The following FMN1 variants were observed in gnomAD, a reference collection of about 807,000 sequenced individuals.
The protein encoded by FMN1 is formin 1, also known as formin-1.
A neutral mutation model predicts 132.4 loss-of-function variants in FMN1; 110 were observed. The observed-to-expected ratio is 0.83, with a 90% CI of 0.71 to 0.97. The LOEUF (loss-of-function observed/expected upper bound fraction) is 0.97. Among genes scored for constraint, FMN1 ranks in the 50% least tolerant of loss-of-function variants. FMN1 has a pLI of 0.00. For synonymous variants in FMN1, 722 were observed against 651.7 expected (o/e 1.11, Z -1.64); for missense variants, 1,792 against 1,705.3 (o/e 1.05, Z -0.90).
intron 4 of FMN1, chr15:33,150,298 G>A: frequency 1.0e-6 from 1 of 985,434 alleles, no homozygotes; most frequent in Middle Eastern, 5.2e-4. Flanking sequence ...TTTGGGGGAA[G>A]ACCATACTCC....
chr15:33,011,190 A>G (rs2034697781), intron 6 of FMN1, among the ~76,000 whole-genome samples: 2 of 152,202 alleles, frequency 1.3e-5, no homozygotes, highest in Admixed American at 1.3e-4. Flanking sequence ...ATGGCATGGT[A>G]CAGACACAGG....
chr15:32,951,424 GACACACACACAC>G (rs3081377), intron 9 of FMN1, among the ~76,000 whole-genome samples: 22 of 149,066 alleles, frequency 1.5e-4, no homozygotes, highest in East Asian at 6.0e-4. Flanking sequence ...GCCCCAGTGG[GACACACACACAC>G]ACACACACAC....
At chr15:32,887,214 T>A (rs192698047) in intron 16 of FMN1, among the ~76,000 whole-genome samples, 22 of 152,302 alleles carry the variant, frequency 1.4e-4, no homozygotes, top group Non-Finnish European at 2.1e-4. Context: ...ATTTTAAAAA[T>A]GTTTACTTTA....
intron 7 of FMN1, among the ~76,000 whole-genome samples, chr15:32,980,363 C>T (rs956226482): frequency 2.6e-5 from 4 of 151,528 alleles, no homozygotes; most frequent in African/African-American, 9.7e-5. Flanking sequence ...TTTAGCTCTG[C>T]ATAAGGCTGC....
At chr15:32,889,920 C>T (rs2059985651) in intron 15 of FMN1, among the ~76,000 whole-genome samples, 1 of 152,084 alleles carries the variant, frequency 6.6e-6, no homozygotes, top group Admixed American at 6.5e-5. Flanking sequence ...ATCCCTCATC[C>T]CCCTCCCACT....
At chr15:32,944,820 T>A (rs1322200472) in intron 9 of FMN1, among the ~76,000 whole-genome samples, 1 of 152,188 alleles carries the variant, frequency 6.6e-6, no homozygotes, top group Non-Finnish European at 1.5e-5. Flanking sequence ...GGCAGATTTC[T>A]GATTTTGTGT....
At chr15:32,795,439 C>CA (rs1595930585) in intron 19 of FMN1, among the ~76,000 whole-genome samples, 1 of 152,064 alleles carries the variant, frequency 6.6e-6, no homozygotes, top group Non-Finnish European at 1.5e-5. Flanking sequence ...ATTAGAACCG[C>CA]AGTTTCTAGA....
intron 15 of FMN1, among the ~76,000 whole-genome samples, chr15:32,890,236 C>A (rs187994756): frequency 2.0e-5 from 3 of 152,274 alleles, no homozygotes; most frequent in Non-Finnish European, 2.9e-5. Context: ...TAAACATGCA[C>A]GTGCAAGTAT....
intron 4 of FMN1, among the ~76,000 whole-genome samples, chr15:33,145,178 C>T (rs968077438): frequency 6.6e-6 from 1 of 152,032 alleles, no homozygotes; most frequent in Non-Finnish European, 1.5e-5. Context: ...CTTGCTTCGG[C>T]TGCACAAGGT....
chr15:32,930,649 T>C (rs1400894769), intron 9 of FMN1, among the ~76,000 whole-genome samples: 1 of 152,170 alleles, frequency 6.6e-6, no homozygotes, highest in East Asian at 1.9e-4. Context: ...CCGTTGATTG[T>C]TTCCTTTGCT....
chr15:33,144,668 T>C (rs1433793565), intron 4 of FMN1, among the ~76,000 whole-genome samples: 4 of 138,918 alleles, frequency 2.9e-5, no homozygotes, highest in Admixed American at 7.2e-5. Context: ...AGAAATCCAA[T>C]ATTAACCTAC....
At chr15:32,808,825 C>T (rs2057770792) in intron 17 of FMN1, among the ~76,000 whole-genome samples, 1 of 151,656 alleles carries the variant, frequency 6.6e-6, no homozygotes. Context: ...ACACAACATG[C>T]TTTCTTTAGA....
rs139790001 is a variant in FMN1, at chr15:33,139,309, G to A, written c.1867+13739C>T. Among the ~76,000 whole-genome samples the A allele has an allele frequency of 3.3e-3, 500 of 152,262 alleles. 1 individual carries two copies. Among genetic ancestry groups the A allele is most frequent in the African/African-American group, 0.012 (486 of 41,546 alleles). On this transcript the variant is annotated intron_variant, in intron 4 of 20. Transcript: ENST00000616417. ...TTCCAAAATAAATACCTAAATAGCT[G>A]TTGTTGGCCGGGCACGGTGGCGCAC...
intron 4 of FMN1, chr15:33,151,235 G>T: frequency 6.5e-7 from 1 of 1,535,740 alleles, no homozygotes. Flanking sequence ...CAGTAGAGAA[G>T]TTACCCATAT....
intron 20 of FMN1, among the ~76,000 whole-genome samples, chr15:32,775,992 C>T (rs2056404289): frequency 6.6e-6 from 1 of 152,114 alleles, no homozygotes; most frequent in African/African-American, 2.4e-5. Flanking sequence ...AAATTCACAG[C>T]AACAAGGAAA....
intron 10 of FMN1, among the ~76,000 whole-genome samples, chr15:32,913,681 T>C (rs2060617141): frequency 6.6e-6 from 1 of 152,224 alleles, no homozygotes; most frequent in East Asian, 1.9e-4. Context: ...AAGGTGAAGA[T>C]GGTATACTTT....
chr15:32,946,315 C>T (rs1323837022), intron 9 of FMN1, among the ~76,000 whole-genome samples: 3 of 152,052 alleles, frequency 2.0e-5, no homozygotes, highest in Non-Finnish European at 4.4e-5. Flanking sequence ...TACCCACTGC[C>T]ATCCATGAAG....
At chr15:32,918,400 G>A (rs1289737674) in intron 10 of FMN1, among the ~76,000 whole-genome samples, 3 of 152,182 alleles carry the variant, frequency 2.0e-5, no homozygotes, top group African/African-American at 7.2e-5. Context: ...GGCTCTGATG[G>A]AGTAAGAGAC....
At chr15:33,152,758 C>T (rs11631772) in intron 4 of FMN1, among the ~76,000 whole-genome samples, 50,377 of 124,616 alleles carry the variant, frequency 0.4, 10,602 homozygotes, top group Admixed American at 0.52. Context: ...GTCACTGTTA[C>T]GCAACCACAG....
Sources: gnomAD v4.1 joint callset for allele counts (sites outside exome capture counted in the v4.1 genomes callset) on GRCh38, gnomAD v4.1.1 for gene constraint, MANE v1.5 for transcripts, NCBI Gene and HGNC (gene_info 2026-07-23, HGNC 2026-07-21) for gene names.